Variants in SEC24D observed in about 807,000 individuals in gnomAD.
The protein encoded by SEC24D is protein transport protein Sec24D.
In SEC24D, 69 loss-of-function variants were observed where a neutral mutation model predicts 116.9. The ratio of observed to expected loss-of-function variants is 0.59; its 90% CI spans 0.49 to 0.72. The LOEUF is 0.72. Ranked by LOEUF, SEC24D falls within the 30% of genes least tolerant of loss-of-function variation. The pLI is 0.00. For missense variants in SEC24D, 1,131 were observed against 1,264.1 expected (o/e 0.89, Z 1.60); for synonymous variants, 405 against 442.8 (o/e 0.91, Z 1.07).
chr4:118,745,959 T>C (rs1048477704), intron 13 of SEC24D, among the ~76,000 whole-genome samples: 2 of 152,024 alleles, frequency 1.3e-5, no homozygotes, highest in Admixed American at 1.3e-4. Flanking sequence ...GAGGACTGCT[T>C]GAACCCAGGA....
chr4:118,733,602 G>A (rs1578378240), intron 19 of SEC24D, among the ~76,000 whole-genome samples: 1 of 152,230 alleles, frequency 6.6e-6, no homozygotes, highest in East Asian at 1.9e-4. Flanking sequence ...GAAGTTCGCT[G>A]GGGATAGACA....
intron 10 of SEC24D, among the ~76,000 whole-genome samples, chr4:118,761,474 C>T (rs147904835): frequency 1.9e-4 from 29 of 152,344 alleles, no homozygotes; most frequent in Admixed American, 1.2e-3. Context: ...TAGACTGCGT[C>T]TCAAAACAAT....
chr4:118,739,968 G>A (rs576187994), intron 17 of SEC24D, among the ~76,000 whole-genome samples: 116 of 152,090 alleles, frequency 7.6e-4, no homozygotes, highest in African/African-American at 2.6e-3. Context: ...ATCGTATTAC[G>A]GGCTGAACTG....
chr4:118,789,965 T>C (rs1728824685), intron 8 of SEC24D, among the ~76,000 whole-genome samples: 2 of 152,210 alleles, frequency 1.3e-5, no homozygotes, highest in African/African-American at 4.8e-5. Flanking sequence ...GAAAATAAGC[T>C]CCATATAACA....
chr4:118,740,701 C>A lies in SEC24D; in HGVS notation c.2200G>T (p.Asp734Tyr). 6.2e-7 allele frequency: 1 copy of A among 1,613,910 alleles called. No homozygotes were observed. The highest frequency in any genetic ancestry group is 8.5e-7 in the Non-Finnish European group (1 of 1,179,840). Residue 734 changes from aspartate (D) to tyrosine (Y), a missense_variant, in exon 17 of 23, where the codon GAT (aspartate) becomes TAT (tyrosine). Physicochemically the swap from Asp to Tyr is radical, Grantham distance 160. Transcript: ENST00000280551. ...CCACTGTCTTCACTGAGTTTGTCAT[C>A]GTGCTTGAACTCCACGGTCACTGCC... ...DKAVTVEFKH[D>Y]DKLSEDSGAL...
intron 8 of SEC24D, chr4:118,769,784 G>C (rs938873394): frequency 6.6e-6 from 1 of 152,200 alleles, no homozygotes; most frequent in Non-Finnish European, 1.5e-5. Context: ...CCAGAAGACA[G>C]ATTGGATTTT....
intron 6 of SEC24D, among the ~76,000 whole-genome samples, chr4:118,808,575 A>G (rs1351991887): frequency 6.6e-6 from 1 of 152,252 alleles, no homozygotes; most frequent in African/African-American, 2.4e-5. Flanking sequence ...GCTAAAAAAT[A>G]CTATACCTTT....
chr4:118,725,380 T>A (rs1725357289), intron 22 of SEC24D, among the ~76,000 whole-genome samples: 1 of 152,202 alleles, frequency 6.6e-6, no homozygotes, highest in African/African-American at 2.4e-5. Flanking sequence ...TTTCATTTTA[T>A]GTTTTATCCA....
chr4:118,832,745 C>T (rs936332843), intron 2 of SEC24D, among the ~76,000 whole-genome samples: 9 of 151,878 alleles, frequency 5.9e-5, no homozygotes, highest in African/African-American at 1.9e-4. Flanking sequence ...GGCCAGATTT[C>T]GACACATCAT....
At chr4:118,816,862 A>T (rs1730174448) in intron 4 of SEC24D, 1 of 453,726 alleles carries the variant, frequency 2.2e-6, no homozygotes, top group Non-Finnish European at 4.4e-6. Flanking sequence ...TAAACACATA[A>T]TTAAAATGCA....
At chr4:118,740,538 C>T (rs1726175027) in intron 17 of SEC24D, 125 bp downstream of exon 17, 2 of 1,070,610 alleles carry the variant, frequency 1.9e-6, no homozygotes, top group Admixed American at 4.9e-5. Flanking sequence ...TGACTTTTGA[C>T]TTTGGAGAAA....
In SEC24D at chr4:118,826,566, A is replaced by T. The variant is rs142569369; in HGVS notation, c.119-1817T>A. 4.3e-3 allele frequency among the ~76,000 whole-genome samples: 658 copies of T among 152,122 alleles called. 5 individuals are homozygous for T. The highest frequency in any genetic ancestry group is 0.031 in the Middle Eastern group (9 of 294). On this transcript the variant is annotated intron_variant, in intron 2 of 22. Coordinates refer to ENST00000280551, the MANE Select transcript of SEC24D (RefSeq NM_014822.4). ...CAACAGTAGCATTAAAATATTTTCA[A>T]CTTAAATAATTACATGCACTACGAG... is the stretch of plus-strand genomic sequence containing the variant.
At chr4:118,764,988 A>AT in intron 9 of SEC24D, 71 bp from the exon 10 acceptor site, 1 of 862,538 alleles carries the variant, frequency 1.2e-6, no homozygotes, top group Non-Finnish European at 1.9e-6. Flanking sequence ...AGTTCTCAAA[A>AT]TTTATTATGA....
chr4:118,748,663 T>A (rs2110452075), intron 13 of SEC24D, among the ~76,000 whole-genome samples: 1 of 152,194 alleles, frequency 6.6e-6, no homozygotes, highest in East Asian at 1.9e-4. Context: ...GACAAGTTAT[T>A]AACACCCTCG....
At position 118,728,601 on chromosome 4, in the gene SEC24D, A is replaced by G. The variant is rs1467836549; in HGVS notation, c.2918T>C (p.Ile973Thr). 1.9e-6 allele frequency: 3 copies of G among 1,610,850 alleles called. No homozygotes were observed. The change falls in exon 22 of 23, where the codon ATA becomes ACA. Residue 973 changes from isoleucine to threonine, a missense_variant. Transcript: ENST00000280551. ...GNPYSQQLRM[I>T]MGIIQQKRPY... ...CCTCTTTTGTTGGATAATACCCATT[A>G]TCATTCTGAGTTGTTGAGAGTATGG...
intron 12 of SEC24D, among the ~76,000 whole-genome samples, 154 bp from the exon 13 acceptor site, chr4:118,752,243 G>A (rs1726875830): frequency 6.6e-6 from 1 of 152,120 alleles, no homozygotes; most frequent in East Asian, 1.9e-4. Context: ...TGATATCTTA[G>A]CGTGGCTTGG....
At chr4:118,748,215 G>A (rs1479316789) in intron 13 of SEC24D, among the ~76,000 whole-genome samples, 3 of 151,870 alleles carry the variant, frequency 2.0e-5, no homozygotes, top group East Asian at 1.9e-4. Context: ...GCAGTGAGCC[G>A]AGATCATGCC....
intron 10 of SEC24D, among the ~76,000 whole-genome samples, chr4:118,762,877 CT>C (rs1361418167): frequency 4.6e-5 from 7 of 152,118 alleles, no homozygotes; most frequent in African/African-American, 7.2e-5. Context: ...GATACTAAGA[CT>C]TTTGTTCCCA....
At chr4:118,736,669 T>A (rs1432013503) in intron 19 of SEC24D, 1 of 184,960 alleles carries the variant, frequency 5.4e-6, no homozygotes, top group African/African-American at 2.4e-5. Flanking sequence ...ATCTCCACAT[T>A]TTCTAGACTC....
Sources: gnomAD v4.1 joint callset for allele counts (sites outside exome capture counted in the v4.1 genomes callset) on GRCh38, gnomAD v4.1.1 for gene constraint, MANE v1.5 for transcripts, NCBI Gene and HGNC (gene_info 2026-07-23, HGNC 2026-07-21) for gene names.